The following PDE8A variants were observed in gnomAD, a reference collection of about 807,000 sequenced individuals.
PDE8A encodes the protein high affinity cAMP-specific and IBMX-insensitive 3',5'-cyclic phosphodiesterase 8A.
Under a neutral mutation model 105.0 loss-of-function variants are expected in PDE8A, and 59 were observed. That is an observed-to-expected ratio of 0.56 (90% CI 0.46 to 0.70). The LOEUF (loss-of-function observed/expected upper bound fraction) is 0.70. Among genes scored for constraint, PDE8A ranks in the 30% least tolerant of loss-of-function variants. PDE8A has a pLI of 0.00. For synonymous variants in PDE8A, 355 were observed against 371.9 expected, an observed-to-expected ratio of 0.95 and a Z score of 0.52; for missense variants, 1,014 against 1,045.9, an observed-to-expected ratio of 0.97 and a Z score of 0.42.
intron 8 of PDE8A, 142 bp from the exon 9 acceptor site, chr15:85,097,806 T>G: frequency 1.6e-6 from 1 of 614,158 alleles, no homozygotes; most frequent in Non-Finnish European, 2.9e-6. Flanking sequence ...AATTGTCCTA[T>G]TACCTGAAAT....
At chr15:85,024,269 T>C (rs2080476415) in intron 1 of PDE8A, among the ~76,000 whole-genome samples, 1 of 152,228 alleles carries the variant, frequency 6.6e-6, no homozygotes, top group South Asian at 2.1e-4. Flanking sequence ...CATAACTTCC[T>C]TGATGAAAGC....
upstream of PDE8A, among the ~76,000 whole-genome samples, chr15:84,981,142 G>A (rs1280486087): frequency 3.3e-5 from 5 of 152,246 alleles, no homozygotes; most frequent in African/African-American, 1.2e-4. Context: ...ATTCGAATTT[G>A]GCGGTCGGGC....
intron 1 of PDE8A, among the ~76,000 whole-genome samples, chr15:84,990,195 T>TAATTCAAAATTAAATA (rs1447033824): frequency 3.9e-5 from 6 of 152,168 alleles, no homozygotes; most frequent in African/African-American, 1.4e-4. Flanking sequence ...AAAAAAAAAT[T>TAATTCAAAATTAAATA]AATTCAAAAT....
intron 11 of PDE8A, among the ~76,000 whole-genome samples, chr15:85,102,827 G>T (rs2081887243): frequency 8.0e-6 from 1 of 124,906 alleles, no homozygotes; most frequent in Non-Finnish European, 1.7e-5. Context: ...CTACAAGAGT[G>T]AAACTCCATC....
At chr15:85,097,645 G>C (rs974940240) in intron 8 of PDE8A, among the ~76,000 whole-genome samples, 5 of 152,208 alleles carry the variant, frequency 3.3e-5, no homozygotes, top group African/African-American at 9.6e-5. Context: ...GGAGTTATGA[G>C]AGGAGGAAGT....
intron 1 of PDE8A, among the ~76,000 whole-genome samples, chr15:85,015,320 G>A (rs562071672): frequency 3.7e-4 from 56 of 151,462 alleles, no homozygotes; most frequent in Admixed American, 7.9e-4. Context: ...TCGACCTCCC[G>A]GGCTCAGGTG....
intron 5 of PDE8A, among the ~76,000 whole-genome samples, chr15:85,082,561 C>T (rs2081484063): frequency 6.6e-6 from 1 of 152,100 alleles, no homozygotes; most frequent in South Asian, 2.1e-4. Context: ...ACCCTGATCA[C>T]AGTTCAGACG....
chr15:85,132,133 AT>A (rs1448175389), intron 20 of PDE8A, among the ~76,000 whole-genome samples: 1 of 151,984 alleles, frequency 6.6e-6, no homozygotes, highest in Non-Finnish European at 1.5e-5. Context: ...AGATTATGGC[AT>A]TTTTTGGCCA....
intron 1 of PDE8A, among the ~76,000 whole-genome samples, chr15:85,053,192 G>A (rs1377818839): frequency 6.6e-6 from 1 of 152,112 alleles, no homozygotes; most frequent in Non-Finnish European, 1.5e-5. Context: ...CTCTGTTTTG[G>A]TACCAGTACC....
Position 85,017,030 on chromosome 15 carries a change from G to A in PDE8A, c.186+34682G>A, listed in dbSNP as rs2080336197. Among the ~76,000 whole-genome samples, 4 of 151,438 alleles carry A rather than the reference G, an allele frequency of 2.6e-5. No individual in the cohort carries two copies. In the South Asian group the frequency reaches 8.3e-4, roughly 32 times the overall value. On this transcript the variant is annotated intron_variant, in intron 1 of 21. Transcript: ENST00000394553. Reference sequence around the variant, plus strand: ...TAATCCCAGCACTTTGGGAGGCCGAGGCGGGTGGATCATGAGGTCAGGAGA... The same window carrying A: ...TAATCCCAGCACTTTGGGAGGCCGAAGCGGGTGGATCATGAGGTCAGGAGA...
chr15:84,995,576 T>A (rs2079963339), intron 1 of PDE8A, among the ~76,000 whole-genome samples: 1 of 152,142 alleles, frequency 6.6e-6, no homozygotes, highest in Non-Finnish European at 1.5e-5. Context: ...CTGCCTCAGC[T>A]TCCCAAAGTG....
chr15:85,082,495 G>C (rs1042526888), intron 5 of PDE8A, among the ~76,000 whole-genome samples: 1 of 152,120 alleles, frequency 6.6e-6, no homozygotes, highest in Admixed American at 6.5e-5. Flanking sequence ...CAATCATACA[G>C]CTTTTAAGGC....
At chr15:85,115,404 ACTTTT>A in intron 14 of PDE8A, 30 bp from the exon 15 acceptor site, 2 of 1,422,822 alleles carry the variant, frequency 1.4e-6, no homozygotes, top group African/African-American at 2.9e-5. Flanking sequence ...AATAGTTGTG[ACTTTT>A]CTTTTTCTTG....
At chr15:85,061,158 T>C (rs919607921) in intron 1 of PDE8A, among the ~76,000 whole-genome samples, 13 of 152,234 alleles carry the variant, frequency 8.5e-5, no homozygotes, top group Admixed American at 2.6e-4. Context: ...GATCTATTGA[T>C]AATCTTATTG....
At chr15:85,122,547 AG>A (rs1314651592) in intron 18 of PDE8A, among the ~76,000 whole-genome samples, 1 of 152,246 alleles carries the variant, frequency 6.6e-6, no homozygotes, top group African/African-American at 2.4e-5. Flanking sequence ...ACTCAACTGC[AG>A]AAAAGGGATT....
chr15:85,115,364 A>AG (rs56912258), intron 14 of PDE8A, 75 bp from the exon 15 acceptor site: 42,018 of 944,560 alleles, frequency 0.044, 2,232 homozygotes, highest in African/African-American at 0.23. Flanking sequence ...GTCCTGTGGG[A>AG]GGACCACCTG....
chr15:85,072,947 T>C (rs375448591), intron 3 of PDE8A, among the ~76,000 whole-genome samples: 1 of 149,658 alleles, frequency 6.7e-6, no homozygotes, highest in South Asian at 2.1e-4. Context: ...ACCCTATCTT[T>C]ACAAAACATC....
chr15:84,984,991 C>T lies in PDE8A; in HGVS notation c.186+2643C>T, dbSNP rs142989450. ...ATAAGAGATATGCGGCCTATACTGG[C>T]TCAGACTAAGTTCAACAGAGTTCTT... On this transcript the variant is annotated intron_variant, in intron 1 of 21. Coordinates refer to ENST00000394553, the MANE Select transcript of PDE8A (RefSeq NM_002605.3). 1.0e-3 allele frequency among the ~76,000 whole-genome samples: 153 copies of T among 152,128 alleles called. 1 individual carries two copies. Among genetic ancestry groups the T allele is most frequent in the African/African-American group, 3.6e-3 (148 of 41,506 alleles).
intron 1 of PDE8A, among the ~76,000 whole-genome samples, chr15:85,013,640 A>C (rs978889821): frequency 6.6e-6 from 1 of 152,264 alleles, no homozygotes; most frequent in Admixed American, 6.5e-5. Context: ...TATTTGTTGC[A>C]TAACAAATTA....
Sources: gnomAD v4.1 joint callset for allele counts (sites outside exome capture counted in the v4.1 genomes callset) on GRCh38, gnomAD v4.1.1 for gene constraint, MANE v1.5 for transcripts, NCBI Gene and HGNC (gene_info 2026-07-23, HGNC 2026-07-21) for gene names.